The following DLGAP1 variants were observed in gnomAD, a reference collection of about 807,000 sequenced individuals.
DLGAP1 encodes DLG associated protein 1, also known as disks large-associated protein 1.
In DLGAP1, 11 loss-of-function variants were observed where a neutral mutation model predicts 90.8. That is an observed-to-expected ratio of 0.12 (90% CI 0.08 to 0.20). The LOEUF (loss-of-function observed/expected upper bound fraction) is 0.20, where lower values mean the gene tolerates loss of function less well. Ranked by LOEUF, DLGAP1 falls within the 10% of genes least tolerant of loss-of-function variation. DLGAP1 has a pLI of 1.00. For missense variants in DLGAP1, 1,050 were observed against 1,333.8 expected (o/e 0.79, Z 3.31); for synonymous variants, 558 against 540.7 (o/e 1.03, Z -0.44).
intron 9 of DLGAP1, among the ~76,000 whole-genome samples, chr18:3,560,521 C>A (rs2144992270): frequency 7.1e-6 from 1 of 141,770 alleles, no homozygotes; most frequent in South Asian, 2.2e-4. Flanking sequence ...ACCCGGGAGG[C>A]AGAGGTTGTG....
At chr18:4,298,402 A>G (rs1346456806) in intron 1 of DLGAP1, among the ~76,000 whole-genome samples, 2 of 152,206 alleles carry the variant, frequency 1.3e-5, no homozygotes, top group Non-Finnish European at 2.9e-5. Flanking sequence ...GCCCTGGGGA[A>G]TAGTTAAAGA....
In DLGAP1 at chr18:4,378,105, C is replaced by T. The variant is rs1238304440; in HGVS notation, c.-267+76901G>A. On this transcript the variant is annotated intron_variant, in intron 1 of 12. Transcript: ENST00000315677. The surrounding 1 kb of genome is among the most constrained non-coding windows in gnomAD (Gnocchi z 4.5). ...TTTCAATCTTTTTTCTAATATATAA[C>T]ATATATTAGAAATATTGTATATAAA... 1.4e-5 allele frequency among the ~76,000 whole-genome samples: 2 copies of T among 147,404 alleles called. No individual in the cohort carries two copies. The highest frequency in any genetic ancestry group is 6.8e-5 in the Admixed American group (1 of 14,632).
At chr18:3,609,884 C>T (rs200573094) in intron 7 of DLGAP1, among the ~76,000 whole-genome samples, 12 of 136,552 alleles carry the variant, frequency 8.8e-5, no homozygotes, top group Non-Finnish European at 1.3e-4. Flanking sequence ...ACGGTGAAAC[C>T]CTGTCTCTAC....
At chr18:4,174,381 C>G (rs1473066277) in intron 1 of DLGAP1, among the ~76,000 whole-genome samples, 1 of 152,092 alleles carries the variant, frequency 6.6e-6, no homozygotes, top group African/African-American at 2.4e-5. Flanking sequence ...GTCACCCAGG[C>G]TGGAATGCAG....
chr18:3,610,445 C>T (rs1057388925), intron 7 of DLGAP1, among the ~76,000 whole-genome samples: 3 of 152,266 alleles, frequency 2.0e-5, no homozygotes, highest in Middle Eastern at 6.8e-3. Context: ...TGAGATTTAA[C>T]CCACCTGTGC....
chr18:4,194,242 C>T (rs961578556), intron 1 of DLGAP1, among the ~76,000 whole-genome samples: 1 of 152,146 alleles, frequency 6.6e-6, no homozygotes, highest in Admixed American at 6.6e-5. Flanking sequence ...CCACTTATAA[C>T]TGAAAGCACG....
At chr18:4,232,177 C>T (rs926915329) in intron 1 of DLGAP1, among the ~76,000 whole-genome samples, 5 of 152,052 alleles carry the variant, frequency 3.3e-5, no homozygotes, top group Non-Finnish European at 7.4e-5. Flanking sequence ...CAAGAATTCC[C>T]GCCATCCAAC....
intron 11 of DLGAP1, among the ~76,000 whole-genome samples, chr18:3,507,469 C>T (rs532078943): frequency 4.3e-4 from 65 of 152,112 alleles, no homozygotes; most frequent in African/African-American, 1.5e-3. Flanking sequence ...TGAGCCGAGC[C>T]GAGATCGTGC....
At chr18:3,866,383 T>A (rs997132797) in intron 4 of DLGAP1, among the ~76,000 whole-genome samples, 2 of 152,188 alleles carry the variant, frequency 1.3e-5, no homozygotes, top group African/African-American at 4.8e-5. Context: ...CCCTCCTGGA[T>A]CATTAAACTC....
chr18:4,014,117 CT>C (rs543407447), intron 2 of DLGAP1, among the ~76,000 whole-genome samples: 159 of 142,584 alleles, frequency 1.1e-3, no homozygotes, highest in African/African-American at 3.9e-3. Flanking sequence ...TGGAGTCTCA[CT>C]CTTGTCGCCC....
At chr18:4,146,895 C>G (rs2076593732) in intron 2 of DLGAP1, among the ~76,000 whole-genome samples, 1 of 152,068 alleles carries the variant, frequency 6.6e-6, no homozygotes, top group Non-Finnish European at 1.5e-5. Context: ...AAATTCCACA[C>G]TGAGCTCTAA....
chr18:3,970,964 G>C (rs1483111751), intron 3 of DLGAP1, among the ~76,000 whole-genome samples: 1 of 152,152 alleles, frequency 6.6e-6, no homozygotes, highest in Non-Finnish European at 1.5e-5. Context: ...ATTTCCAGAA[G>C]TGGGAAATGC....
At position 3,545,324 on chromosome 18, in the gene DLGAP1, C is replaced by T. The variant is rs547788066; in HGVS notation, c.2058-10709G>A. On this transcript the variant is annotated intron_variant, in intron 9 of 12. Coordinates refer to ENST00000315677, the MANE Select transcript of DLGAP1 (RefSeq NM_004746.4). ...ATGGAATCATAGAAAGATAATTAGCCCCAAAGAAGTATTTTTCAAATACTT... is the reference window on the plus strand; with the variant it reads ...ATGGAATCATAGAAAGATAATTAGCTCCAAAGAAGTATTTTTCAAATACTT... Among the ~76,000 whole-genome samples, 34 of 151,858 alleles carry T rather than the reference C, an allele frequency of 2.2e-4. No homozygotes were observed. The South Asian group carries it at 6.5e-3, about 29-fold the overall frequency.
At chr18:4,304,159 A>T (rs772988058) in intron 1 of DLGAP1, among the ~76,000 whole-genome samples, 1 of 152,220 alleles carries the variant, frequency 6.6e-6, no homozygotes, top group Admixed American at 6.5e-5. Flanking sequence ...ATGAGAAATT[A>T]GTGTTTAGTG....
chr18:4,030,740 G>A (rs2074782876), intron 2 of DLGAP1, among the ~76,000 whole-genome samples: 1 of 152,130 alleles, frequency 6.6e-6, no homozygotes, highest in Admixed American at 6.5e-5. Flanking sequence ...GGGCAACATG[G>A]TGAAACCCAT....
intron 3 of DLGAP1, among the ~76,000 whole-genome samples, chr18:3,948,558 G>A (rs1404132609): frequency 6.6e-6 from 1 of 152,176 alleles, no homozygotes. Flanking sequence ...CTAGGTTGGT[G>A]AAAGTCTATT....
chr18:4,302,535 CA>C (rs1482436432), intron 1 of DLGAP1, among the ~76,000 whole-genome samples: 1 of 151,940 alleles, frequency 6.6e-6, no homozygotes, highest in Non-Finnish European at 1.5e-5. Context: ...TTATAAAGTA[CA>C]TTTTTTTGAC....
intron 1 of DLGAP1, among the ~76,000 whole-genome samples, chr18:4,338,320 T>C (rs534189014): frequency 6.6e-6 from 1 of 152,330 alleles, no homozygotes; most frequent in Admixed American, 6.5e-5. Context: ...GTTTTGTTTA[T>C]TGAGATATTT....
intron 1 of DLGAP1, among the ~76,000 whole-genome samples, chr18:4,404,665 A>T (rs1567895202): frequency 6.6e-6 from 1 of 152,164 alleles, no homozygotes; most frequent in South Asian, 2.1e-4. Context: ...TTTTTTCTGT[A>T]TTTCTTTTCA....
Sources: allele counts gnomAD v4.1 joint callset (sites outside exome capture counted in the v4.1 genomes callset), GRCh38; gene constraint gnomAD v4.1.1; non-coding constraint Gnocchi (gnomAD v3.1); transcripts MANE v1.5; gene names NCBI Gene and HGNC (gene_info 2026-07-23, HGNC 2026-07-21).